Variants in FUT8 observed in about 807,000 individuals in gnomAD.
FUT8 encodes the protein alpha-(1,6)-fucosyltransferase.
Under a neutral mutation model 71.3 loss-of-function variants are expected in FUT8, and 29 were observed. The observed-to-expected ratio is 0.41, with a 90% confidence interval of 0.30 to 0.55. The LOEUF (loss-of-function observed/expected upper bound fraction) is 0.55. Ranked by LOEUF, FUT8 falls within the 20% of genes least tolerant of loss-of-function variation. The pLI, the probability that FUT8 is intolerant of heterozygous loss-of-function variation, is 0.34. For synonymous variants in FUT8, 254 were observed against 239.3 expected, an observed-to-expected ratio of 1.06 and a Z score of -0.57; for missense variants, 544 against 702.1, an observed-to-expected ratio of 0.77 and a Z score of 2.55.
chr14:65,416,512 G>C (rs2065221188), intron 1 of FUT8, among the ~76,000 whole-genome samples: 1 of 152,016 alleles, frequency 6.6e-6, no homozygotes, highest in South Asian at 2.1e-4. Context: ...TTTCAAAGGA[G>C]ATATCAACTT....
chr14:65,669,434 T>C lies in FUT8; in HGVS notation c.789T>C (p.Ser263=). The C allele has an allele frequency of 6.2e-7, 1 of 1,613,694 alleles. No individual in the cohort carries two copies. Among genetic ancestry groups the C allele is most frequent in the Admixed American group, 1.7e-5 (1 of 59,918 alleles). ...GGGAGACTGTATTTAGGCCTGTAAGTGAGACATGCACAGACAGATCTGGCA... is the reference window on the plus strand; with the variant it reads ...GGGAGACTGTATTTAGGCCTGTAAGCGAGACATGCACAGACAGATCTGGCA... ...GGWETVFRPV[S]ETCTDRSGIS... The change falls in exon 7 of 11, where the codon AGT becomes AGC. Residue 263 remains serine, a synonymous_variant. Coordinates refer to ENST00000673929, the MANE Select transcript of FUT8 (RefSeq NM_001371533.1). The surrounding 1 kb of genome is among the most constrained non-coding windows in gnomAD (Gnocchi z 4.5).
At chr14:65,519,624 A>G (rs1357983890) in intron 2 of FUT8, among the ~76,000 whole-genome samples, 3 of 152,164 alleles carry the variant, frequency 2.0e-5, no homozygotes, top group Admixed American at 6.5e-5. Flanking sequence ...TTAATATTCT[A>G]TCTATAAATA....
intron 7 of FUT8, among the ~76,000 whole-genome samples, chr14:65,676,405 T>G (rs1428662224): frequency 1.3e-5 from 2 of 152,218 alleles, no homozygotes; most frequent in Non-Finnish European, 2.9e-5. Flanking sequence ...CCACATAGCC[T>G]TGATAACTGT....
intron 1 of FUT8, among the ~76,000 whole-genome samples, chr14:65,439,982 A>G (rs1483933062): frequency 7.2e-6 from 1 of 139,432 alleles, no homozygotes; most frequent in Non-Finnish European, 1.6e-5. Context: ...ATATATATAT[A>G]TATATATATG....
intron 5 of FUT8, among the ~76,000 whole-genome samples, chr14:65,628,018 G>A (rs1221117947): frequency 6.6e-6 from 1 of 152,126 alleles, no homozygotes; most frequent in Non-Finnish European, 1.5e-5. Flanking sequence ...ATAGGCGGGA[G>A]TGTTGGATTT....
At chr14:65,739,172 G>A (rs756789859) in intron 10 of FUT8, among the ~76,000 whole-genome samples, 5 of 152,006 alleles carry the variant, frequency 3.3e-5, no homozygotes, top group Non-Finnish European at 7.4e-5. Flanking sequence ...TGAGGGAAGA[G>A]CACACTATTA....
intron 2 of FUT8, among the ~76,000 whole-genome samples, chr14:65,544,352 A>G (rs1032069704): frequency 1.3e-5 from 2 of 152,168 alleles, no homozygotes; most frequent in African/African-American, 4.8e-5. Context: ...CTCCTACTTT[A>G]TAGCAGGGTA....
At chr14:65,610,581 G>A (rs199724933) in intron 3 of FUT8, among the ~76,000 whole-genome samples, 1 of 151,646 alleles carries the variant, frequency 6.6e-6, no homozygotes, top group South Asian at 2.1e-4. Context: ...TAGAGACGGG[G>A]TTTCTCCATG....
At chr14:65,456,066 T>A (rs1421945948) in intron 2 of FUT8, among the ~76,000 whole-genome samples, 2 of 152,210 alleles carry the variant, frequency 1.3e-5, no homozygotes. Flanking sequence ...TCTTAAACAT[T>A]TCTGACATTT....
At position 65,483,495 on chromosome 14, in the gene FUT8, T is replaced by C. The variant is rs1435067786; in HGVS notation, c.-228+27777T>C. On this transcript the variant is annotated intron_variant, in intron 2 of 10. Transcript: ENST00000673929. The surrounding 1 kb of genome is among the most constrained non-coding windows in gnomAD (Gnocchi z 4.4). ...TAAGAAACAGTATGTAAATATTTGATTGGAATTGCATCGAATCTATAGATG... is the reference window on the plus strand; with the variant it reads ...TAAGAAACAGTATGTAAATATTTGACTGGAATTGCATCGAATCTATAGATG... Among the ~76,000 whole-genome samples the C allele has an allele frequency of 1.3e-5, 2 of 152,190 alleles. No individual in the cohort carries two copies. The highest frequency in any genetic ancestry group is 2.9e-5 in the Non-Finnish European group (2 of 68,046).
chr14:65,664,850 CTT>C (rs895442211), intron 6 of FUT8, among the ~76,000 whole-genome samples: 4 of 152,178 alleles, frequency 2.6e-5, no homozygotes, highest in Non-Finnish European at 5.9e-5. Context: ...CGTCCTCTCT[CTT>C]GTAGACAAAA....
At chr14:65,737,457 G>A (rs554828543) in intron 10 of FUT8, among the ~76,000 whole-genome samples, 4 of 152,118 alleles carry the variant, frequency 2.6e-5, no homozygotes, top group Admixed American at 2.6e-4. Flanking sequence ...CTGTGTTACT[G>A]GAAATCGCCT....
chr14:65,553,346 A>G (rs933181467), intron 2 of FUT8, among the ~76,000 whole-genome samples: 1 of 152,136 alleles, frequency 6.6e-6, no homozygotes, highest in South Asian at 2.1e-4. Flanking sequence ...CCTCCGTCTC[A>G]TCTTTTAAAT....
At chr14:65,449,285 T>C (rs1007427477) in intron 1 of FUT8, among the ~76,000 whole-genome samples, 6 of 152,242 alleles carry the variant, frequency 3.9e-5, no homozygotes, top group African/African-American at 9.6e-5. Context: ...TACCAATAAA[T>C]ATGACTTTGA....
At chr14:65,631,505 C>G (rs1483238684) in intron 6 of FUT8, among the ~76,000 whole-genome samples, 1 of 152,042 alleles carries the variant, frequency 6.6e-6, no homozygotes, top group Non-Finnish European at 1.5e-5. Flanking sequence ...TAATTTAAAG[C>G]TACATTGGCT....
intron 6 of FUT8, among the ~76,000 whole-genome samples, chr14:65,666,891 A>T (rs1025909573): frequency 1.3e-5 from 2 of 152,214 alleles, no homozygotes; most frequent in Non-Finnish European, 2.9e-5. Flanking sequence ...CATAAATGTG[A>T]TTCATCACAT....
chr14:65,495,484 G>A (rs1024555823), intron 2 of FUT8, among the ~76,000 whole-genome samples: 11 of 152,060 alleles, frequency 7.2e-5, no homozygotes, highest in Admixed American at 7.2e-4. Flanking sequence ...GGAGTTATGT[G>A]TTCCTCCGGG....
chr14:65,437,164 A>T (rs754289197), intron 1 of FUT8, among the ~76,000 whole-genome samples: 1 of 152,248 alleles, frequency 6.6e-6, no homozygotes, highest in South Asian at 2.1e-4. Flanking sequence ...GATGTAGAGC[A>T]GACCTCTTCA....
intron 2 of FUT8, among the ~76,000 whole-genome samples, chr14:65,508,370 G>A (rs978690584): frequency 1.0e-4 from 15 of 149,878 alleles, no homozygotes; most frequent in African/African-American, 1.5e-4. Flanking sequence ...GTGCCCGGCC[G>A]AACACTTTTT....
Sources: gnomAD v4.1 joint callset for allele counts (sites outside exome capture counted in the v4.1 genomes callset) on GRCh38, gnomAD v4.1.1 for gene constraint, Gnocchi (gnomAD v3.1) non-coding constraint, MANE v1.5 for transcripts, NCBI Gene and HGNC (gene_info 2026-07-23, HGNC 2026-07-21) for gene names.